The following PATL1 variants were observed in gnomAD, a reference collection of about 807,000 sequenced individuals.
PATL1 encodes protein PAT1 homolog 1.
PATL1 carries 32 observed loss-of-function variants against 100.6 expected under a neutral mutation model. The ratio of observed to expected loss-of-function variants is 0.32; its 90% CI spans 0.24 to 0.43. The LOEUF is 0.43. PATL1 is among the 20% of genes least tolerant of loss of function. The pLI is 1.00. For missense variants in PATL1, 747 were observed against 949.9 expected, an observed-to-expected ratio of 0.79 and a Z score of 2.81; for synonymous variants, 332 against 330.0, an observed-to-expected ratio of 1.01 and a Z score of -0.07.
intron 16 of PATL1, 85 bp from the exon 17 acceptor site, chr11:59,639,468 G>C: frequency 3.0e-6 from 3 of 1,015,618 alleles, no homozygotes; most frequent in Non-Finnish European, 4.5e-6. Context: ...GCATCAGATG[G>C]GGAACAGCTC....
chr11:59,639,230 A>G, intron 17 of PATL1, 33 bp from the exon 18 acceptor site: 1 of 1,601,550 alleles, frequency 6.2e-7, no homozygotes, highest in Non-Finnish European at 8.5e-7. Flanking sequence ...ATATCAGGAG[A>G]AAAAAATTTA....
chr11:59,664,745 A>T (rs1252359517), intron 2 of PATL1, among the ~76,000 whole-genome samples: 1 of 152,066 alleles, frequency 6.6e-6, no homozygotes, highest in Non-Finnish European at 1.5e-5. Flanking sequence ...TTTCAAAAAA[A>T]ATTTTGTGGA....
chr11:59,646,429 A>G (rs1861367093), intron 15 of PATL1, among the ~76,000 whole-genome samples: 1 of 152,102 alleles, frequency 6.6e-6, no homozygotes, highest in South Asian at 2.1e-4. Context: ...CAAGCGATCC[A>G]CTTGCCTCAG....
chr11:59,657,851 G>C (rs542617197), intron 4 of PATL1, 127 bp from the exon 5 acceptor site: 3 of 783,648 alleles, frequency 3.8e-6, no homozygotes, highest in African/African-American at 1.8e-5. Flanking sequence ...TTCACATATA[G>C]TAAAATTCAC....
chr11:59,657,317 T>TC (rs1482404042), intron 5 of PATL1, among the ~76,000 whole-genome samples: 1 of 152,178 alleles, frequency 6.6e-6, no homozygotes, highest in Admixed American at 6.5e-5. Context: ...CCCTTTTTTC[T>TC]CCCCCAATTA....
chr11:59,657,779 G>A, intron 4 of PATL1, 55 bp from the exon 5 acceptor site: 2 of 1,407,720 alleles, frequency 1.4e-6, no homozygotes, highest in South Asian at 1.5e-5. Flanking sequence ...GTATGTTTTA[G>A]TAATCTCTAC....
At position 59,638,395 on chromosome 11, in the gene PATL1, G is replaced by A. The variant is rs775032839; in HGVS notation, c.2308C>T (p.Arg770Ter). 9.2e-5 allele frequency: 148 copies of A among 1,612,206 alleles called. No homozygotes were observed. Among genetic ancestry groups the A allele is most frequent in the South Asian group, 3.0e-4 (27 of 90,726 alleles). Residue 770 changes from arginine (R) to a stop codon, truncating the protein, a stop_gained, in exon 19 of 19, where the codon CGA (arginine) becomes TGA (stop). Transcript: ENST00000300146. LOFTEE classifies it high-confidence loss of function. The part of the protein sequence containing the change: ...ETKLQLVQGI[R>*] The stretch of plus-strand genomic sequence containing the variant: ...AGGACACATTTGGAGATCTTTTATC[G>A]TATCCCCTGAACTAGCCTAGGAGTA...
intron 15 of PATL1, among the ~76,000 whole-genome samples, chr11:59,645,761 T>C (rs1268578358): frequency 6.6e-6 from 1 of 152,174 alleles, no homozygotes; most frequent in Non-Finnish European, 1.5e-5. Flanking sequence ...TTTTGGCCAG[T>C]ATGAGTCTCT....
At chr11:59,664,886 A>G (rs1861667278) in intron 2 of PATL1, among the ~76,000 whole-genome samples, 1 of 152,186 alleles carries the variant, frequency 6.6e-6, no homozygotes, top group Non-Finnish European at 1.5e-5. Context: ...TGTCCTACTG[A>G]TTATCACTAA....
At chr11:59,641,566 A>G (rs947250547) in intron 16 of PATL1, among the ~76,000 whole-genome samples, 1 of 152,126 alleles carries the variant, frequency 6.6e-6, no homozygotes, top group Non-Finnish European at 1.5e-5. Context: ...CAGCCTGGAC[A>G]ACATGGCGAA....
At chr11:59,646,131 G>A (rs1342151912) in intron 15 of PATL1, among the ~76,000 whole-genome samples, 1 of 152,156 alleles carries the variant, frequency 6.6e-6, no homozygotes, top group Non-Finnish European at 1.5e-5. Context: ...TTCCACACAA[G>A]AGCTCTGGTG....
chr11:59,651,691 T>A, intron 11 of PATL1, 50 bp from the exon 12 acceptor site: 1 of 1,186,574 alleles, frequency 8.4e-7, no homozygotes, highest in Non-Finnish European at 1.2e-6. Context: ...AAGTCAGCAA[T>A]GCAGGCAGGC....
chr11:59,668,805 A>G (rs555257391), intron 1 of PATL1, 76 bp downstream of exon 1: 1 of 688,890 alleles, frequency 1.5e-6, no homozygotes, highest in Admixed American at 2.5e-5. Context: ...GGAACACAGG[A>G]CCGGCGCGCG....
At position 59,657,553 on chromosome 11, in the gene PATL1, C is replaced by T; in HGVS notation, c.598G>A (p.Ala200Thr). ...ACCTGTTGGGTGAAGCTGGGTACAGCCATCTGTTTAGGTGGGGTGCCTATG... is the reference window on the plus strand; with the variant it reads ...ACCTGTTGGGTGAAGCTGGGTACAGTCATCTGTTTAGGTGGGGTGCCTATG... Reference protein sequence around the residue: ...VPIGTPPKQMAVPSFTQQILC... With the variant: ...VPIGTPPKQMTVPSFTQQILC... Residue 200 changes from alanine to threonine, a missense_variant, in exon 5 of 19, where the codon GCT becomes ACT. Coordinates refer to ENST00000300146, the MANE Select transcript of PATL1 (RefSeq NM_152716.3). 6.2e-7 allele frequency: 1 copy of T among 1,607,954 alleles called. No homozygotes were observed. Among genetic ancestry groups the T allele is most frequent in the Non-Finnish European group, 8.5e-7 (1 of 1,177,252 alleles).
chr11:59,638,379 T>C lies in PATL1; in HGVS notation c.*11A>G, dbSNP rs770711296. 5.6e-6 allele frequency: 9 copies of C among 1,611,762 alleles called. No homozygotes were observed. In the East Asian group the frequency reaches 1.1e-4, roughly 20 times the overall value. Reference sequence around the variant, plus strand: ...AGCCAAAAGGAGGTACAGGACACATTTGGAGATCTTTTATCGTATCCCCTG... The same window carrying C: ...AGCCAAAAGGAGGTACAGGACACATCTGGAGATCTTTTATCGTATCCCCTG... On this transcript the variant is annotated 3_prime_UTR_variant, in exon 19 of 19. Transcript: ENST00000300146.
intron 2 of PATL1, among the ~76,000 whole-genome samples, chr11:59,661,839 A>T (rs904831537): frequency 6.6e-6 from 1 of 152,218 alleles, no homozygotes; most frequent in African/African-American, 2.4e-5. Context: ...ATAACTACTG[A>T]TAGTAACTCA....
At chr11:59,651,803 A>AC (rs1861447353) in intron 11 of PATL1, among the ~76,000 whole-genome samples, 162 bp from the exon 12 acceptor site, 1 of 152,110 alleles carries the variant, frequency 6.6e-6, no homozygotes, top group East Asian at 1.9e-4. Context: ...GGTAACTCAC[A>AC]CCTGTTATCT....
chr11:59,644,639 A>G (rs1861334576), intron 15 of PATL1, among the ~76,000 whole-genome samples: 1 of 152,186 alleles, frequency 6.6e-6, no homozygotes, highest in South Asian at 2.1e-4. Context: ...AGGTTCTGCT[A>G]TCCTCTGTTT....
chr11:59,647,534 G>T (rs1304504910), intron 15 of PATL1, among the ~76,000 whole-genome samples: 1 of 152,112 alleles, frequency 6.6e-6, no homozygotes, highest in Non-Finnish European at 1.5e-5. Flanking sequence ...AGAGGGAATT[G>T]TTGTTTTTCT....
Sources: gnomAD v4.1 joint callset for allele counts (sites outside exome capture counted in the v4.1 genomes callset) on GRCh38, gnomAD v4.1.1 for gene constraint, MANE v1.5 for transcripts, NCBI Gene and HGNC (gene_info 2026-07-23, HGNC 2026-07-21) for gene names.